The following MEI4 variants were observed in gnomAD, a reference collection of about 807,000 sequenced individuals.
The protein encoded by MEI4 is meiotic double-stranded break formation protein 4.
In MEI4, 27 loss-of-function variants were observed where a neutral mutation model predicts 31.4. That is an observed-to-expected ratio of 0.86 (90% confidence interval 0.63 to 1.19). The LOEUF (loss-of-function observed/expected upper bound fraction) is 1.19, where lower values mean the gene tolerates loss of function less well. MEI4 is among the 50% of genes most tolerant of loss of function. The pLI is 0.00. For missense variants in MEI4, 329 were observed against 398.9 expected (o/e 0.82, Z 1.49); for synonymous variants, 122 against 145.4 (o/e 0.84, Z 1.16).
At position 77,916,544 on chromosome 6, in the gene MEI4, T is replaced by C. The variant is rs536141772; in HGVS notation, c.901-6545T>C. Among the ~76,000 whole-genome samples the C allele has an allele frequency of 1.0e-3, 154 of 152,160 alleles. 1 individual carries two copies. Among genetic ancestry groups the C allele is most frequent in the Admixed American group, 4.7e-3 (72 of 15,242 alleles). On this transcript the variant is annotated intron_variant, in intron 4 of 4. Coordinates refer to ENST00000684080, the MANE Select transcript of MEI4 (RefSeq NM_001322247.2). The stretch of plus-strand genomic sequence containing the variant: ...TTATGATTTCCTCAGCTCTAAGCAG[T>C]ATTAGTATTGTTTCTTATTTCCTCC...
intron 1 of MEI4, among the ~76,000 whole-genome samples, chr6:77,666,071 G>C (rs745324333): frequency 6.6e-6 from 1 of 152,186 alleles, no homozygotes. Context: ...TTTCACCTGG[G>C]TGCAGGTGGG....
intron 2 of MEI4, among the ~76,000 whole-genome samples, chr6:77,711,266 T>C (rs1766458827): frequency 1.3e-5 from 2 of 152,270 alleles, no homozygotes; most frequent in African/African-American, 4.8e-5. Context: ...ATGCTAAGTA[T>C]GTGAGGTGAT....
intron 2 of MEI4, 96 bp downstream of exon 2, chr6:77,690,999 TTA>T (rs1364051524): frequency 1.6e-6 from 1 of 627,122 alleles, no homozygotes; most frequent in Admixed American, 4.4e-5. Flanking sequence ...ATGAAAATTT[TTA>T]GTTTCCATGA....
intron 2 of MEI4, among the ~76,000 whole-genome samples, chr6:77,746,444 G>T (rs1767606383): frequency 1.3e-5 from 2 of 152,060 alleles, no homozygotes; most frequent in South Asian, 2.1e-4. Flanking sequence ...CGAATGCCTT[G>T]AGCTGGGACA....
At chr6:77,707,721 G>C (rs945316326) in intron 2 of MEI4, among the ~76,000 whole-genome samples, 12 of 152,328 alleles carry the variant, frequency 7.9e-5, no homozygotes, top group African/African-American at 2.9e-4. Context: ...CCAGGGCTCT[G>C]CTGCTGTGCA....
intron 2 of MEI4, among the ~76,000 whole-genome samples, chr6:77,727,826 T>G (rs1199480321): frequency 6.6e-6 from 1 of 152,320 alleles, no homozygotes; most frequent in African/African-American, 2.4e-5. Flanking sequence ...CTGGTCACAG[T>G]AAGGCCTTAC....
intron 4 of MEI4, among the ~76,000 whole-genome samples, chr6:77,892,450 C>T (rs984309661): frequency 6.6e-6 from 1 of 152,080 alleles, no homozygotes; most frequent in Non-Finnish European, 1.5e-5. Context: ...CCTGGATCTC[C>T]AGATGGCATG....
In MEI4 at chr6:77,676,053, A is replaced by G. The variant is rs28458975; in HGVS notation, c.-14-14605A>G. On this transcript the variant is annotated intron_variant, in intron 1 of 4. Transcript: ENST00000684080. Reference sequence around the variant, plus strand: ...AGAACTTGTCAACCACGAAGTTTGGAAGTTGAACTGCCTTGGGTTTGGGTG... The same window carrying G: ...AGAACTTGTCAACCACGAAGTTTGGGAGTTGAACTGCCTTGGGTTTGGGTG... Among the ~76,000 whole-genome samples the G allele has an allele frequency of 8.5e-3, 1,300 of 152,244 alleles. 17 individuals are homozygous for G. The highest frequency in any genetic ancestry group is 0.028 in the African/African-American group (1,179 of 41,520).
chr6:77,818,855 G>A (rs1189620860), intron 3 of MEI4, among the ~76,000 whole-genome samples: 4 of 151,976 alleles, frequency 2.6e-5, no homozygotes, highest in Admixed American at 1.3e-4. Context: ...CTCAGTCACC[G>A]AGTAACTGAG....
rs892329243 is a variant in MEI4 at position 77,743,196 on chromosome 6, A to G, written c.233-17934A>G. Reference sequence around the variant, plus strand: ...GATTGATGGGGATAGCATTGAATCTATAAATTACCTTGGGCAGTATGGCCA... The same window carrying G: ...GATTGATGGGGATAGCATTGAATCTGTAAATTACCTTGGGCAGTATGGCCA... On this transcript the variant is annotated intron_variant, in intron 2 of 4. Coordinates refer to ENST00000684080, the MANE Select transcript of MEI4 (RefSeq NM_001322247.2). 6.8e-4 allele frequency among the ~76,000 whole-genome samples: 103 copies of G among 152,318 alleles called. 1 individual carries two copies. The highest frequency in any genetic ancestry group is 1.6e-4 in the Non-Finnish European group (11 of 68,032).
chr6:77,696,243 G>A (rs973255752), intron 2 of MEI4, among the ~76,000 whole-genome samples: 1 of 152,086 alleles, frequency 6.6e-6, no homozygotes, highest in African/African-American at 2.4e-5. Context: ...TTTCCTAATT[G>A]AATACCCTTT....
chr6:77,731,510 T>A (rs1561962289), intron 2 of MEI4, among the ~76,000 whole-genome samples: 1 of 151,560 alleles, frequency 6.6e-6, no homozygotes, highest in East Asian at 1.9e-4. Flanking sequence ...TTGAGTTCAT[T>A]GTAGATTCTG....
chr6:77,703,954 A>T (rs567292196), intron 2 of MEI4, among the ~76,000 whole-genome samples: 1 of 152,268 alleles, frequency 6.6e-6, no homozygotes, highest in African/African-American at 2.4e-5. Context: ...AAGAGAGTGC[A>T]AATGGAAGGA....
At chr6:77,828,047 G>C (rs188953301) in intron 3 of MEI4, among the ~76,000 whole-genome samples, 373 of 152,170 alleles carry the variant, frequency 2.5e-3, no homozygotes, top group Non-Finnish European at 3.9e-3. Flanking sequence ...AGCTGTGAAT[G>C]CTTTTGTGTT....
intron 4 of MEI4, among the ~76,000 whole-genome samples, chr6:77,853,648 G>A (rs1261378377): frequency 1.3e-5 from 2 of 152,144 alleles, no homozygotes; most frequent in Non-Finnish European, 2.9e-5. Context: ...ATTGCTTTCT[G>A]TGAAAATGTT....
At chr6:77,696,461 G>A (rs1251118145) in intron 2 of MEI4, among the ~76,000 whole-genome samples, 3 of 152,094 alleles carry the variant, frequency 2.0e-5, no homozygotes, top group Non-Finnish European at 4.4e-5. Context: ...TTTATTGAGA[G>A]TTTTTAGCAT....
chr6:77,745,565 A>G (rs1276919720), intron 2 of MEI4, among the ~76,000 whole-genome samples: 2 of 152,208 alleles, frequency 1.3e-5, no homozygotes, highest in Non-Finnish European at 2.9e-5. Flanking sequence ...GATCAGTGAG[A>G]CAGAAAGTTA....
intron 1 of MEI4, among the ~76,000 whole-genome samples, chr6:77,665,552 G>C (rs747235145): frequency 5.3e-5 from 8 of 152,168 alleles, no homozygotes; most frequent in Non-Finnish European, 1.5e-5. Flanking sequence ...CCAGAAGAGC[G>C]GGATTTGCTG....
At chr6:77,737,999 GA>G in intron 2 of MEI4, among the ~76,000 whole-genome samples, 1 of 152,318 alleles carries the variant, frequency 6.6e-6, no homozygotes, top group Middle Eastern at 3.4e-3. Context: ...GTCAGGATTA[GA>G]AATACAGATA....
Sources: gnomAD v4.1 joint callset for allele counts (sites outside exome capture counted in the v4.1 genomes callset) on GRCh38, gnomAD v4.1.1 for gene constraint, MANE v1.5 for transcripts, NCBI Gene and HGNC (gene_info 2026-07-23, HGNC 2026-07-21) for gene names.